The following FAXDC2 variants were observed in gnomAD, a reference collection of about 807,000 sequenced individuals.
The protein encoded by FAXDC2 is fatty acid hydroxylase domain-containing protein 2.
Under a neutral mutation model 40.9 loss-of-function variants are expected in FAXDC2, and 41 were observed. The observed-to-expected ratio is 1.00, with a 90% confidence interval of 0.78 to 1.30. The LOEUF (loss-of-function observed/expected upper bound fraction) is 1.30, where lower values mean the gene tolerates loss of function less well. FAXDC2 is among the 50% of genes most tolerant of loss of function. The pLI, the probability that FAXDC2 is intolerant of heterozygous loss-of-function variation, is 0.00. For missense variants in FAXDC2, 390 were observed against 408.8 expected, an observed-to-expected ratio of 0.95 and a Z score of 0.40; for synonymous variants, 157 against 149.3, an observed-to-expected ratio of 1.05 and a Z score of -0.38.
intron 1 of FAXDC2, among the ~76,000 whole-genome samples, chr5:154,846,268 T>TGG (rs1561662366): frequency 2.5e-5 from 3 of 118,284 alleles, no homozygotes; most frequent in Non-Finnish European, 5.5e-5. Context: ...GTGAACTAGA[T>TGG]AGTGTGTGTG....
chr5:154,822,136 T>G (rs935598525), intron 7 of FAXDC2: 10 of 223,432 alleles, frequency 4.5e-5, no homozygotes, highest in African/African-American at 9.2e-5. Context: ...TGCACACGTG[T>G]GGTCTCAGCT....
At chr5:154,825,668 A>AAAAAAAAAAAAAAAAG (rs70981954) in intron 5 of FAXDC2, among the ~76,000 whole-genome samples, 22 of 143,350 alleles carry the variant, frequency 1.5e-4, no homozygotes, top group African/African-American at 5.8e-4. Flanking sequence ...AAAAAAAAAA[A>AAAAAAAAAAAAAAAAG]GCAGTAATAT....
chr5:154,829,320 G>C (rs1760132046), intron 5 of FAXDC2: 2 of 152,354 alleles, frequency 1.3e-5, no homozygotes, highest in South Asian at 4.1e-4. Context: ...GGAACACCAG[G>C]TAGCATTCAG....
At chr5:154,823,704 G>T in intron 5 of FAXDC2, 112 bp from the exon 6 acceptor site, 1 of 838,220 alleles carries the variant, frequency 1.2e-6, no homozygotes, top group Non-Finnish European at 1.9e-6. Flanking sequence ...AGATGTCGGG[G>T]GACAGCCAGT....
intron 1 of FAXDC2, among the ~76,000 whole-genome samples, chr5:154,845,793 T>A (rs1760585373): frequency 6.6e-6 from 1 of 151,308 alleles, no homozygotes; most frequent in South Asian, 2.1e-4. Flanking sequence ...ACACCTATTT[T>A]TTTTTTTTTT....
At chr5:154,823,107 G>A (rs1759929225) in intron 6 of FAXDC2, among the ~76,000 whole-genome samples, 1 of 152,132 alleles carries the variant, frequency 6.6e-6, no homozygotes, top group Non-Finnish European at 1.5e-5. Context: ...GACCTCCCGG[G>A]CTCATGTGAT....
intron 1 of FAXDC2, among the ~76,000 whole-genome samples, chr5:154,841,879 G>T (rs1195973459): frequency 6.6e-6 from 1 of 152,038 alleles, no homozygotes; most frequent in Non-Finnish European, 1.5e-5. Context: ...GGGATTACAG[G>T]GGTCTGCCAC....
intron 8 of FAXDC2, 63 bp from the exon 9 acceptor site, chr5:154,820,535 A>C: frequency 7.2e-7 from 1 of 1,397,566 alleles, no homozygotes; most frequent in African/African-American, 1.4e-5. Flanking sequence ...ATCCCATTTC[A>C]TTTGTGCCAG....
At chr5:154,835,643 C>T (rs1272773016) in intron 2 of FAXDC2, among the ~76,000 whole-genome samples, 3 of 151,750 alleles carry the variant, frequency 2.0e-5, no homozygotes, top group Non-Finnish European at 2.9e-5. Flanking sequence ...TGCAGTGGCA[C>T]GATCTTGGCT....
chr5:154,837,162 A>G (rs1280372637), intron 2 of FAXDC2, among the ~76,000 whole-genome samples: 1 of 151,962 alleles, frequency 6.6e-6, no homozygotes, highest in Non-Finnish European at 1.5e-5. Context: ...GCTAGTCCTG[A>G]GCTTTGGAAA....
intron 5 of FAXDC2, chr5:154,824,476 T>G (rs1759972336): frequency 1.4e-6 from 1 of 702,434 alleles, no homozygotes; most frequent in African/African-American, 1.7e-5. Flanking sequence ...CTCCAGCCTT[T>G]CCAGGCACTG....
chr5:154,849,005 C>T (rs1435141876), intron 1 of FAXDC2, among the ~76,000 whole-genome samples: 1 of 144,594 alleles, frequency 6.9e-6, no homozygotes, highest in Non-Finnish European at 1.5e-5. Flanking sequence ...TGCGGCTGGG[C>T]ACGTTGGCTT....
At position 154,830,897 on chromosome 5, in the gene FAXDC2, G is replaced by A; in HGVS notation, c.270C>T (p.Phe90=). 1 of 1,614,178 alleles carries A rather than the reference G, an allele frequency of 6.2e-7. No individual in the cohort carries two copies. Among genetic ancestry groups the A allele is most frequent in the Non-Finnish European group, 8.5e-7 (1 of 1,179,994 alleles). Residue 90 remains phenylalanine (F), a synonymous_variant, in exon 5 of 9, where the codon TTC becomes TTT. Transcript: ENST00000326080. The part of the protein sequence containing the change: ...FIGAIQVPCL[F]FWSFNGLLLV... ...ATAGAAGCCCATTGAAGCTCCAGAA[G>A]AAGAGACAAGGCACTTGGATGGCAC...
intron 5 of FAXDC2, among the ~76,000 whole-genome samples, chr5:154,829,862 C>A (rs1022725128): frequency 4.6e-5 from 7 of 152,200 alleles, no homozygotes; most frequent in Admixed American, 2.0e-4. Flanking sequence ...GGCTCTGATT[C>A]ATGTCCTGCC....
intron 1 of FAXDC2, among the ~76,000 whole-genome samples, chr5:154,847,521 C>T (rs1027033669): frequency 1.4e-5 from 2 of 139,892 alleles, no homozygotes; most frequent in African/African-American, 2.7e-5. Context: ...GAGTCTCGCT[C>T]ATGTTGCGCA....
intron 5 of FAXDC2, among the ~76,000 whole-genome samples, chr5:154,828,830 G>T (rs540218796): frequency 1.4e-5 from 2 of 147,752 alleles, no homozygotes; most frequent in Non-Finnish European, 3.0e-5. Flanking sequence ...TGAACTCCTA[G>T]CATCAAGCGA....
chr5:154,825,650 CAAAAAAA>C (rs386358555), intron 5 of FAXDC2, among the ~76,000 whole-genome samples: 1 of 30,150 alleles, frequency 3.3e-5, no homozygotes, highest in African/African-American at 1.6e-4. Flanking sequence ...GACTCCGTCT[CAAAAAAA>C]AAAAAAAAAA....
chr5:154,825,181 G>T (rs1759994950), intron 5 of FAXDC2, among the ~76,000 whole-genome samples: 2 of 151,526 alleles, frequency 1.3e-5, no homozygotes, highest in Non-Finnish European at 2.9e-5. Context: ...TGGCTAACAT[G>T]GTGAAACCTC....
At position 154,838,143 on chromosome 5, in the gene FAXDC2, T is replaced by G. The variant is rs748548078; in HGVS notation, c.36A>C (p.Glu12Asp). Residue 12 changes from glutamate to aspartate, a missense_variant, in exon 2 of 9, where the codon GAA becomes GAC. Physicochemically the swap from Glu to Asp is conservative, Grantham distance 45. Transcript: ENST00000326080. ...TGCTGGCATTTACCTGCTTTGACTT[T>G]TCATTGTGTAGCATATGTCCAGCTT... Reference protein sequence around the residue: ...KGEAGHMLHNEKSKQEGHIWG... With the variant: ...KGEAGHMLHNDKSKQEGHIWG... 6.2e-7 allele frequency: 1 copy of G among 1,613,222 alleles called. No homozygotes were observed. The highest frequency in any genetic ancestry group is 1.7e-5 in the Admixed American group (1 of 59,966).
Sources: allele counts gnomAD v4.1 joint callset (sites outside exome capture counted in the v4.1 genomes callset), GRCh38; gene constraint gnomAD v4.1.1; transcripts MANE v1.5; gene names NCBI Gene and HGNC (gene_info 2026-07-23, HGNC 2026-07-21).